DNAH11: variants seen among roughly 807,000 people sequenced by gnomAD.
The protein encoded by DNAH11 is dynein axonemal heavy chain 11, also known as axonemal beta dynein heavy chain 11.
DNAH11 carries 442 observed loss-of-function variants against 526.0 expected under a neutral mutation model. The observed-to-expected ratio is 0.84, with a 90% CI of 0.78 to 0.91. The LOEUF is 0.91. DNAH11 is among the 40% of genes least tolerant of loss of function. The probability of loss-of-function intolerance (pLI) is 0.00; values close to 1 mark genes in which losing one functional copy is unlikely to be tolerated. For synonymous variants in DNAH11, 2,461 were observed against 1,935.9 expected (o/e 1.27, Z -7.12); for missense variants, 6,989 against 5,448.7 (o/e 1.28, Z -8.90).
intron 65 of DNAH11, among the ~76,000 whole-genome samples, chr7:21,826,242 A>G (rs1447882307): frequency 6.6e-6 from 1 of 152,110 alleles, no homozygotes; most frequent in African/African-American, 2.4e-5. Flanking sequence ...GATAAGAAGT[A>G]TCTTTAAAAC....
At chr7:21,727,082 C>G (rs1467055078) in intron 45 of DNAH11, among the ~76,000 whole-genome samples, 1 of 150,174 alleles carries the variant, frequency 6.7e-6, no homozygotes, top group Non-Finnish European at 1.5e-5. Context: ...TACAGGTGCC[C>G]GCCACCACGC....
intron 68 of DNAH11, among the ~76,000 whole-genome samples, chr7:21,859,688 A>C (rs1782981360): frequency 6.6e-6 from 1 of 152,084 alleles, no homozygotes; most frequent in African/African-American, 2.4e-5. Flanking sequence ...AAATAAATAG[A>C]TATTTTTATA....
intron 41 of DNAH11, among the ~76,000 whole-genome samples, 153 bp from the exon 42 acceptor site, chr7:21,711,557 CAG>C (rs1330999768): frequency 6.6e-6 from 1 of 152,188 alleles, no homozygotes; most frequent in Admixed American, 6.5e-5. Context: ...CAGGTCATCT[CAG>C]GGGTGAGCTT....
chr7:21,616,501 G>A (rs544091996), intron 22 of DNAH11, among the ~76,000 whole-genome samples: 5 of 152,066 alleles, frequency 3.3e-5, no homozygotes, highest in African/African-American at 1.2e-4. Context: ...AGCATATTAG[G>A]GTTAATGAAT....
chr7:21,766,872 A>G (rs1787206035), intron 55 of DNAH11, among the ~76,000 whole-genome samples: 1 of 152,168 alleles, frequency 6.6e-6, no homozygotes, highest in East Asian at 1.9e-4. Flanking sequence ...CCGTCAAGCA[A>G]CATCTAACTT....
chr7:21,733,054 G>A (rs1260789937), intron 45 of DNAH11, among the ~76,000 whole-genome samples: 4 of 152,096 alleles, frequency 2.6e-5, no homozygotes, highest in African/African-American at 9.7e-5. Context: ...TGGGGGAGGG[G>A]TGGGGACTTG....
intron 6 of DNAH11, among the ~76,000 whole-genome samples, chr7:21,568,792 G>A (rs563394027): frequency 4.6e-5 from 7 of 152,230 alleles, no homozygotes; most frequent in East Asian, 1.9e-4. Context: ...AGATGGAGTC[G>A]TTTGCCATAG....
intron 35 of DNAH11, among the ~76,000 whole-genome samples, chr7:21,692,435 T>C (rs548743694): frequency 6.6e-6 from 1 of 152,292 alleles, no homozygotes; most frequent in Admixed American, 6.5e-5. Context: ...ATATGTACGT[T>C]TTTGTGTCTG....
At chr7:21,566,639 G>A (rs779036403) in intron 6 of DNAH11, among the ~76,000 whole-genome samples, 1 of 149,458 alleles carries the variant, frequency 6.7e-6, no homozygotes, top group Non-Finnish European at 1.5e-5. Flanking sequence ...AAGAAGATAA[G>A]TAACTCTCCA....
intron 15 of DNAH11, among the ~76,000 whole-genome samples, chr7:21,600,367 A>G (rs1381207048): frequency 3.3e-5 from 5 of 152,046 alleles, no homozygotes; most frequent in African/African-American, 7.2e-5. Context: ...CTCAGGCAGG[A>G]GGATTGCTTG....
In DNAH11 at chr7:21,588,214, T is replaced by G; in HGVS notation, c.1848+13T>G. ...ACACATGAAACAGGTAAGTGGTGGA[T>G]AAGGTTGGACACATTTACAATATCA... On this transcript the variant is annotated intron_variant, in intron 10 of 81. Transcript: ENST00000409508. The G allele has an allele frequency of 6.2e-7, 1 of 1,607,640 alleles. No homozygotes were observed. Among genetic ancestry groups the G allele is most frequent in the East Asian group, 2.2e-5 (1 of 44,734 alleles).
intron 9 of DNAH11, among the ~76,000 whole-genome samples, chr7:21,585,494 G>A: frequency 6.6e-6 from 1 of 152,118 alleles, no homozygotes; most frequent in East Asian, 1.9e-4. Flanking sequence ...CACAGACATG[G>A]CCAGGAAGGG....
intron 37 of DNAH11, among the ~76,000 whole-genome samples, chr7:21,703,985 C>T (rs776921529): frequency 1.3e-5 from 2 of 152,080 alleles, no homozygotes; most frequent in Non-Finnish European, 2.9e-5. Context: ...GTTTGAGTTA[C>T]TGCTTTTAAA....
chr7:21,729,047 A>T (rs931395379), intron 45 of DNAH11, among the ~76,000 whole-genome samples: 1 of 152,180 alleles, frequency 6.6e-6, no homozygotes, highest in Admixed American at 6.5e-5. Context: ...ATCCCCTGAA[A>T]GTGAGGGGGA....
At chr7:21,674,835 C>A (rs1454110743) in intron 30 of DNAH11, among the ~76,000 whole-genome samples, 1 of 152,024 alleles carries the variant, frequency 6.6e-6, no homozygotes, top group Non-Finnish European at 1.5e-5. Context: ...CTCAAACTTG[C>A]CTCCCAACGT....
intron 76 of DNAH11, among the ~76,000 whole-genome samples, chr7:21,887,162 T>C (rs532034239): frequency 6.6e-6 from 1 of 152,244 alleles, no homozygotes; most frequent in East Asian, 1.9e-4. Context: ...TGGTGTGGGG[T>C]TTAAAGTTCT....
intron 28 of DNAH11, among the ~76,000 whole-genome samples, chr7:21,654,983 A>G (rs1335254070): frequency 6.6e-6 from 1 of 152,192 alleles, no homozygotes; most frequent in Admixed American, 6.5e-5. Flanking sequence ...GTTGGAGGCC[A>G]GATAGATTTT....
At chr7:21,782,179 T>C (rs1369787523) in intron 57 of DNAH11, among the ~76,000 whole-genome samples, 4 of 152,194 alleles carry the variant, frequency 2.6e-5, no homozygotes, top group African/African-American at 9.7e-5. Flanking sequence ...CTTAAGAACA[T>C]CTGCAAGGGG....
chr7:21,831,090 C>T (rs1157252258), intron 65 of DNAH11, among the ~76,000 whole-genome samples: 1 of 152,142 alleles, frequency 6.6e-6, no homozygotes, highest in East Asian at 1.9e-4. Flanking sequence ...GTAATTTGTT[C>T]CTGTGGGGAG....
Sources: allele counts gnomAD v4.1 joint callset (sites outside exome capture counted in the v4.1 genomes callset), GRCh38; gene constraint gnomAD v4.1.1; transcripts MANE v1.5; gene names NCBI Gene and HGNC (gene_info 2026-07-23, HGNC 2026-07-21).